Variants in LMBR1 observed in about 807,000 individuals in gnomAD.
LMBR1 encodes limb region 1 protein homolog.
A neutral mutation model predicts 73.9 loss-of-function variants in LMBR1; 52 were observed. The observed-to-expected ratio is 0.70, with a 90% confidence interval of 0.56 to 0.89. The LOEUF (loss-of-function observed/expected upper bound fraction) is 0.89, where lower values mean the gene tolerates loss of function less well. Ranked by LOEUF, LMBR1 falls within the 40% of genes least tolerant of loss-of-function variation. The probability of loss-of-function intolerance (pLI) is 0.00; values close to 1 mark genes in which losing one functional copy is unlikely to be tolerated. For synonymous variants in LMBR1, 215 were observed against 209.4 expected, an observed-to-expected ratio of 1.03 and a Z score of -0.23; for missense variants, 539 against 579.8, an observed-to-expected ratio of 0.93 and a Z score of 0.72.
intron 1 of LMBR1, among the ~76,000 whole-genome samples, chr7:156,841,135 A>C (rs976045713): frequency 1.3e-5 from 2 of 152,080 alleles, no homozygotes; most frequent in African/African-American, 4.8e-5. Context: ...AGCAGACATG[A>C]TAAGATTTGC....
At chr7:156,829,782 C>T (rs892186208) in intron 3 of LMBR1, among the ~76,000 whole-genome samples, 7 of 152,168 alleles carry the variant, frequency 4.6e-5, no homozygotes, top group African/African-American at 1.4e-4. Context: ...TATCAACAGA[C>T]ACAATTATTC....
At chr7:156,854,653 T>A (rs1191531629) in intron 1 of LMBR1, among the ~76,000 whole-genome samples, 1 of 152,184 alleles carries the variant, frequency 6.6e-6, no homozygotes, top group Non-Finnish European at 1.5e-5. Flanking sequence ...CCCTCTAGCC[T>A]TCTTCACCTA....
intron 1 of LMBR1, among the ~76,000 whole-genome samples, chr7:156,849,649 G>GCATCAGT (rs1172292324): frequency 3.9e-5 from 6 of 152,192 alleles, no homozygotes; most frequent in Admixed American, 6.5e-5. Context: ...GACACTAAAA[G>GCATCAGT]CATCAGTTGT....
chr7:156,862,102 C>A (rs13240730), intron 1 of LMBR1, among the ~76,000 whole-genome samples: 2 of 152,194 alleles, frequency 1.3e-5, no homozygotes, highest in South Asian at 4.1e-4. Context: ...CTGATAAAGA[C>A]ATACCAGAAA....
In LMBR1 at chr7:156,835,147, C is replaced by CA. The variant is rs533226015; in HGVS notation, c.140-1356dup. Reference sequence around the variant, plus strand: ...GGGCGAGACTTGTCTCAAAACAAAACAAAAAAAAGAATACCACAAACCCTC... The same window carrying CA: ...GGGCGAGACTTGTCTCAAAACAAAACAAAAAAAAAGAATACCACAAACCCTC... On this transcript the variant is annotated intron_variant, in intron 2 of 16. Coordinates refer to ENST00000353442, the MANE Select transcript of LMBR1 (RefSeq NM_022458.4). Among the ~76,000 whole-genome samples the CA allele has an allele frequency of 7.9e-5, 12 of 151,522 alleles. No individual in the cohort carries two copies. In the South Asian group the frequency reaches 2.1e-3, roughly 26 times the overall value.
intron 5 of LMBR1, among the ~76,000 whole-genome samples, chr7:156,774,534 A>G (rs1825773853): frequency 6.6e-6 from 1 of 152,222 alleles, no homozygotes; most frequent in South Asian, 2.1e-4. Flanking sequence ...ATGCAGCAAT[A>G]AAAACAAATG....
intron 1 of LMBR1, among the ~76,000 whole-genome samples, chr7:156,838,693 C>G (rs1838109614): frequency 6.6e-6 from 1 of 151,548 alleles, no homozygotes; most frequent in Admixed American, 6.6e-5. Context: ...GGGCAGGTAT[C>G]TCTTCAACAC....
rs568492991 is a variant in LMBR1, at chr7:156,883,439, T to C, written c.66+9489A>G. ...GGACAGAATAGGAAGACATGAAAAATTATCTCAAATGTAATTAGAATGTCC... is the reference window on the plus strand; with the variant it reads ...GGACAGAATAGGAAGACATGAAAAACTATCTCAAATGTAATTAGAATGTCC... On this transcript the variant is annotated intron_variant, in intron 1 of 16. Coordinates refer to ENST00000353442, the MANE Select transcript of LMBR1 (RefSeq NM_022458.4). Among the ~76,000 whole-genome samples, 3 of 151,916 alleles carry C rather than the reference T, an allele frequency of 2.0e-5. No homozygotes were observed. In the South Asian group the frequency reaches 6.2e-4, roughly 32 times the overall value.
chr7:156,850,720 G>A (rs1478880588), intron 1 of LMBR1, among the ~76,000 whole-genome samples: 1 of 151,808 alleles, frequency 6.6e-6, no homozygotes, highest in East Asian at 1.9e-4. Flanking sequence ...AAATACAATT[G>A]TATACCCACA....
intron 8 of LMBR1, among the ~76,000 whole-genome samples, 191 bp from the exon 9 acceptor site, chr7:156,756,656 T>A (rs1821947067): frequency 6.6e-6 from 1 of 152,184 alleles, no homozygotes; most frequent in African/African-American, 2.4e-5. Context: ...ACCAAACACA[T>A]CAAAAGTTAT....
At position 156,697,871 on chromosome 7, in the gene LMBR1, G is replaced by C. The variant is rs1808669989; in HGVS notation, c.1226-9680C>G. On this transcript the variant is annotated intron_variant, in intron 15 of 16. Transcript: ENST00000353442. The stretch of plus-strand genomic sequence containing the variant: ...GCTTATGAAGACAACAGGATTGAGA[G>C]ATTAAAGACAGGCATAAAAAATTAT... Among the ~76,000 whole-genome samples, 5 of 152,332 alleles carry C rather than the reference G, an allele frequency of 3.3e-5. 1 individual carries two copies. Among genetic ancestry groups the C allele is most frequent in the Admixed American group, 2.6e-4 (4 of 15,302 alleles).
chr7:156,780,873 A>G (rs1413808422), intron 5 of LMBR1, among the ~76,000 whole-genome samples: 3 of 152,188 alleles, frequency 2.0e-5, no homozygotes, highest in Admixed American at 1.3e-4. Flanking sequence ...AGTGACAGAA[A>G]TAAGTCACAA....
At chr7:156,689,325 G>A (rs1806667083) in intron 15 of LMBR1, among the ~76,000 whole-genome samples, 4 of 152,232 alleles carry the variant, frequency 2.6e-5, no homozygotes, top group East Asian at 3.9e-4. Flanking sequence ...AATAACAATC[G>A]TCTATAAAAT....
intron 12 of LMBR1, among the ~76,000 whole-genome samples, chr7:156,727,629 G>A (rs79030121): frequency 0.026 from 4,015 of 152,164 alleles, 180 homozygotes; most frequent in African/African-American, 0.092. Context: ...TCTGAATCAA[G>A]ACTATGGCTA....
chr7:156,730,421 A>G (rs1354900184), intron 10 of LMBR1, among the ~76,000 whole-genome samples: 1 of 152,248 alleles, frequency 6.6e-6, no homozygotes, highest in Non-Finnish European at 1.5e-5. Flanking sequence ...ATGAAAAGCT[A>G]TATCCTAGTA....
chr7:156,853,039 G>C (rs1796456620), intron 1 of LMBR1, among the ~76,000 whole-genome samples: 1 of 151,518 alleles, frequency 6.6e-6, no homozygotes, highest in Non-Finnish European at 1.5e-5. Context: ...CCCAGGTTCA[G>C]GCCATTTTCC....
intron 5 of LMBR1, among the ~76,000 whole-genome samples, chr7:156,794,601 T>A (rs1393773191): frequency 4.6e-5 from 7 of 152,226 alleles, no homozygotes; most frequent in African/African-American, 1.7e-4. Flanking sequence ...TAAATAACAA[T>A]CTATTCAACT....
intron 5 of LMBR1, among the ~76,000 whole-genome samples, chr7:156,789,927 T>C (rs1267533895): frequency 6.6e-6 from 1 of 152,078 alleles, no homozygotes; most frequent in Non-Finnish European, 1.5e-5. Context: ...ATTTAAAGTA[T>C]AATTACTTTA....
At chr7:156,748,240 C>A (rs190428881) in intron 9 of LMBR1, among the ~76,000 whole-genome samples, 75 of 152,150 alleles carry the variant, frequency 4.9e-4, no homozygotes, top group African/African-American at 1.7e-3. Context: ...TTACTAATGA[C>A]TGCAAGATAG....
Sources: allele counts gnomAD v4.1 joint callset (sites outside exome capture counted in the v4.1 genomes callset), GRCh38; gene constraint gnomAD v4.1.1; transcripts MANE v1.5; gene names NCBI Gene and HGNC (gene_info 2026-07-23, HGNC 2026-07-21).